The following NPHP1 variants were observed in gnomAD, a reference collection of about 807,000 sequenced individuals.
The protein encoded by NPHP1 is nephrocystin 1, also known as nephrocystin-1.
A neutral mutation model predicts 90.4 loss-of-function variants in NPHP1; 70 were observed. That is an observed-to-expected ratio of 0.77 (90% CI 0.64 to 0.95). The LOEUF is 0.95. Among genes scored for constraint, NPHP1 ranks in the 40% least tolerant of loss-of-function variants. The pLI is 0.00. For missense variants in NPHP1, 764 were observed against 795.9 expected (o/e 0.96, Z 0.48); for synonymous variants, 256 against 271.7 (o/e 0.94, Z 0.57).
chr2:110,135,832 G>C (rs1264829250), intron 16 of NPHP1, among the ~76,000 whole-genome samples: 1 of 152,084 alleles, frequency 6.6e-6, no homozygotes, highest in African/African-American at 2.4e-5. Context: ...ATTTTTAGAA[G>C]GGAAAATTAT....
intron 2 of NPHP1, among the ~76,000 whole-genome samples, chr2:110,190,434 G>A (rs1312468591): frequency 1.3e-5 from 2 of 152,184 alleles, no homozygotes; most frequent in East Asian, 1.9e-4. Flanking sequence ...TGGCCCAGGT[G>A]CTAAGCCCCT....
intron 8 of NPHP1, chr2:110,163,541 C>A: frequency 4.8e-6 from 1 of 208,280 alleles, no homozygotes; most frequent in Non-Finnish European, 1.0e-5. Context: ...CACACCCTCA[C>A]ACATACAAGG....
chr2:110,125,131 A>G, intron 19 of NPHP1: 2 of 1,464,034 alleles, frequency 1.4e-6, no homozygotes, highest in Non-Finnish European at 1.8e-6. Context: ...AAGATTTTCC[A>G]TCTATAGCCC....
At chr2:110,180,482 G>A (rs1284489109) in intron 2 of NPHP1, among the ~76,000 whole-genome samples, 5 of 107,828 alleles carry the variant, frequency 4.6e-5, no homozygotes, top group Admixed American at 1.4e-4. Context: ...GCTTATAGAT[G>A]TGAGTGAAAT....
At chr2:110,182,616 C>G (rs761905603) in intron 2 of NPHP1, among the ~76,000 whole-genome samples, 1 of 152,122 alleles carries the variant, frequency 6.6e-6, no homozygotes, top group Non-Finnish European at 1.5e-5. Context: ...CACCACCAGG[C>G]CTGCCCTGCA....
intron 11 of NPHP1, 123 bp downstream of exon 11, chr2:110,160,004 T>C (rs1198629650): frequency 9.2e-6 from 9 of 975,342 alleles, no homozygotes; most frequent in Non-Finnish European, 1.4e-5. Flanking sequence ...CATTCAAATT[T>C]TTCTTTGGTA....
chr2:110,179,200 T>C lies in NPHP1; in HGVS notation c.204+424A>G, dbSNP rs958292995. 1.0e-3 allele frequency among the ~76,000 whole-genome samples: 158 copies of C among 151,832 alleles called. 2 individuals carry two copies. Among genetic ancestry groups the C allele is most frequent in the Non-Finnish European group, 2.0e-3 (133 of 67,962 alleles). Reference sequence around the variant, plus strand: ...ATTGTCAAGGTTAAATTCCTGTTCCTCTTGTTTCTGCAGAGACATTGATAT... The same window carrying C: ...ATTGTCAAGGTTAAATTCCTGTTCCCCTTGTTTCTGCAGAGACATTGATAT... On this transcript the variant is annotated intron_variant, in intron 3 of 19. Transcript: ENST00000445609.
intron 16 of NPHP1, among the ~76,000 whole-genome samples, chr2:110,137,240 A>G (rs1448398035): frequency 1.3e-5 from 2 of 152,158 alleles, no homozygotes; most frequent in East Asian, 1.9e-4. Context: ...AACCTAGGCA[A>G]TCTCATTCAG....
chr2:110,146,865 A>G (rs1401836622), intron 13 of NPHP1, 30 bp from the exon 14 acceptor site: 1 of 1,535,170 alleles, frequency 6.5e-7, no homozygotes, highest in South Asian at 1.1e-5. Context: ...TATGAAACTT[A>G]AGGTCTGAAC....
chr2:110,192,561 G>T (rs1420596700), intron 2 of NPHP1, among the ~76,000 whole-genome samples: 1 of 152,134 alleles, frequency 6.6e-6, no homozygotes, highest in African/African-American at 2.4e-5. Flanking sequence ...GGGGAGAATT[G>T]AACCAAGTTG....
At chr2:110,203,415 A>G (rs561263548) in intron 1 of NPHP1, among the ~76,000 whole-genome samples, 10 of 152,170 alleles carry the variant, frequency 6.6e-5, no homozygotes, top group Non-Finnish European at 1.0e-4. Flanking sequence ...CTAAAATAAA[A>G]GTTGAAATTT....
intron 2 of NPHP1, among the ~76,000 whole-genome samples, chr2:110,193,724 A>G (rs1336160545): frequency 6.6e-6 from 1 of 152,086 alleles, no homozygotes; most frequent in Non-Finnish European, 1.5e-5. Flanking sequence ...GCACCACACC[A>G]CACCTATTCC....
At chr2:110,164,583 C>T (rs955522746) in intron 8 of NPHP1, 105 bp downstream of exon 8, 2 of 1,606,344 alleles carry the variant, frequency 1.2e-6, no homozygotes, top group South Asian at 1.1e-5. Context: ...ATGCCCTGAA[C>T]CCTGTTTCAG....
intron 4 of NPHP1, 140 bp from the exon 5 acceptor site, chr2:110,170,138 A>G: frequency 8.5e-7 from 1 of 1,172,164 alleles, no homozygotes; most frequent in Non-Finnish European, 1.2e-6. Flanking sequence ...TACAAAGAAC[A>G]GTTTCTACCA....
chr2:110,164,409 C>A, intron 8 of NPHP1: 1 of 721,412 alleles, frequency 1.4e-6, no homozygotes, highest in South Asian at 1.6e-5. Context: ...TGTTTCCACT[C>A]AAATGATAGG....
intron 11 of NPHP1, among the ~76,000 whole-genome samples, chr2:110,155,723 A>C (rs1681841914): frequency 6.6e-6 from 1 of 152,070 alleles, no homozygotes; most frequent in Non-Finnish European, 1.5e-5. Context: ...TCCCATTTGG[A>C]ATGGCTGCAT....
At position 110,162,582 on chromosome 2, in the gene NPHP1, A is replaced by AATG. The variant is rs1277654293; in HGVS notation, c.859+463_859+465dup. Among the ~76,000 whole-genome samples, 11 of 152,254 alleles carry AATG rather than the reference A, an allele frequency of 7.2e-5. No homozygotes were observed. In the East Asian group the frequency reaches 2.1e-3, roughly 29 times the overall value. On this transcript the variant is annotated intron_variant, in intron 9 of 19. Transcript: ENST00000445609. ...GTTGCCAAATACAGGGAAAGCCAAG[A>AATG]ATGAGTAAGGAAAATGAAAATTCCA...
At chr2:110,163,258 A>C (rs1682479093) in intron 8 of NPHP1, 123 bp from the exon 9 acceptor site, 1 of 743,300 alleles carries the variant, frequency 1.3e-6, no homozygotes. Context: ...CTTTAGTGGA[A>C]GAATAATACG....
At chr2:110,134,541 A>C (rs1233600976) in intron 16 of NPHP1, among the ~76,000 whole-genome samples, 5 of 151,810 alleles carry the variant, frequency 3.3e-5, no homozygotes, top group East Asian at 3.8e-4. Flanking sequence ...AAAAAAAAAA[A>C]AAAACTACAG....
Sources: gnomAD v4.1 joint callset for allele counts (sites outside exome capture counted in the v4.1 genomes callset) on GRCh38, gnomAD v4.1.1 for gene constraint, MANE v1.5 for transcripts, NCBI Gene and HGNC (gene_info 2026-07-23, HGNC 2026-07-21) for gene names.